The following NUS1 variants were observed in gnomAD, a reference collection of about 807,000 sequenced individuals.
The protein encoded by NUS1 is NUS1 dehydrodolichyl diphosphate synthase subunit.
For synonymous variants in NUS1, 135 were observed against 155.2 expected, an observed-to-expected ratio of 0.87 and a Z score of 0.97; for missense variants, 292 against 382.9, an observed-to-expected ratio of 0.76 and a Z score of 1.98.
intron 3 of NUS1, among the ~76,000 whole-genome samples, chr6:117,695,193 C>CAAAAAAAAAAAAA (rs58136219): frequency 4.9e-4 from 27 of 55,238 alleles, no homozygotes; most frequent in South Asian, 1.1e-3. Context: ...GACCCTGTCT[C>CAAAAAAAAAAAAA]AAAAAAAAAA....
chr6:117,707,355 G>C lies in NUS1; in HGVS notation c.*340G>C, dbSNP rs902545701. 5 of 248,322 alleles carry C rather than the reference G, an allele frequency of 2.0e-5. No individual in the cohort carries two copies. Among genetic ancestry groups the C allele is most frequent in the African/African-American group, 1.2e-4 (5 of 43,276 alleles). 15.4% of individuals were successfully genotyped at this position (248,322 alleles called of 1,614,324 possible). ...TCAGCCCAGCTACTTCCCTATTTTT[G>C]TGGGGAGAAGAGGGCCTGATTAGAA... On this transcript the variant is annotated 3_prime_UTR_variant, in exon 5 of 5. Coordinates refer to ENST00000368494, the MANE Select transcript of NUS1 (RefSeq NM_138459.5).
chr6:117,677,782 G>T (rs192646553), intron 1 of NUS1, among the ~76,000 whole-genome samples: 8 of 152,294 alleles, frequency 5.3e-5, no homozygotes, highest in Admixed American at 5.2e-4. Context: ...AAAGAACTCA[G>T]CAGACCAATA....
At chr6:117,683,764 A>C (rs1180501073) in intron 1 of NUS1, among the ~76,000 whole-genome samples, 1 of 152,232 alleles carries the variant, frequency 6.6e-6, no homozygotes, top group Non-Finnish European at 1.5e-5. Flanking sequence ...AGAGATAGTA[A>C]ATGTATTTTA....
chr6:117,678,935 G>C (rs371103088), intron 1 of NUS1, among the ~76,000 whole-genome samples: 2 of 152,132 alleles, frequency 1.3e-5, no homozygotes, highest in African/African-American at 4.8e-5. Flanking sequence ...GCCTGCCTCA[G>C]CCTCCCAAAG....
At chr6:117,682,237 G>A (rs1334765751) in intron 1 of NUS1, among the ~76,000 whole-genome samples, 2 of 152,126 alleles carry the variant, frequency 1.3e-5, no homozygotes, top group Non-Finnish European at 2.9e-5. Flanking sequence ...TCCTGCTTTT[G>A]TTAACTTTTT....
intron 1 of NUS1, among the ~76,000 whole-genome samples, chr6:117,689,350 A>G (rs1261314972): frequency 6.6e-6 from 1 of 152,198 alleles, no homozygotes; most frequent in Non-Finnish European, 1.5e-5. Flanking sequence ...TGAGAACTGA[A>G]GGCTAGGTTT....
intron 1 of NUS1, among the ~76,000 whole-genome samples, chr6:117,690,680 G>A (rs182947532): frequency 1.7e-4 from 26 of 152,158 alleles, no homozygotes; most frequent in African/African-American, 6.3e-4. Flanking sequence ...AGTTCTCTTT[G>A]TGGAATTTTC....
intron 1 of NUS1, among the ~76,000 whole-genome samples, chr6:117,690,550 C>T (rs1194453445): frequency 1.3e-5 from 2 of 152,154 alleles, no homozygotes; most frequent in Non-Finnish European, 2.9e-5. Flanking sequence ...CACATTGGTG[C>T]TTATATGACC....
intron 3 of NUS1, among the ~76,000 whole-genome samples, chr6:117,699,980 A>G (rs946798664): frequency 1.3e-5 from 2 of 152,216 alleles, no homozygotes; most frequent in Non-Finnish European, 2.9e-5. Context: ...CTAGAACCCT[A>G]TCTCTTGCCA....
intron 1 of NUS1, among the ~76,000 whole-genome samples, chr6:117,682,087 C>T (rs1330780042): frequency 2.0e-5 from 3 of 152,198 alleles, no homozygotes; most frequent in African/African-American, 4.8e-5. Context: ...CTGCCTCAGC[C>T]TCCCAAAGTG....
intron 3 of NUS1, among the ~76,000 whole-genome samples, chr6:117,699,930 G>A (rs1773382730): frequency 6.6e-6 from 1 of 152,110 alleles, no homozygotes; most frequent in Non-Finnish European, 1.5e-5. Context: ...TCAGTAAATG[G>A]TACAGGGAAA....
At chr6:117,681,386 G>A (rs1773059534) in intron 1 of NUS1, among the ~76,000 whole-genome samples, 1 of 152,156 alleles carries the variant, frequency 6.6e-6, no homozygotes, top group African/African-American at 2.4e-5. Flanking sequence ...TAGTTAATAT[G>A]TGTTCCTTGA....
Position 117,676,234 on chromosome 6 carries a change from T to C in NUS1, c.415+149T>C, listed in dbSNP as rs557676879. 11 of 1,247,366 alleles carry C rather than the reference T, an allele frequency of 8.8e-6. No homozygotes were observed. In the East Asian group the frequency reaches 2.5e-4, roughly 29 times the overall value. 77.3% of individuals were successfully genotyped at this position (1,247,366 alleles called of 1,614,324 possible). On this transcript the variant is annotated intron_variant, in intron 1 of 4. Coordinates refer to ENST00000368494, the MANE Select transcript of NUS1 (RefSeq NM_138459.5). ...TTCGAGGAAGGGAGATCAGCTTTAT[T>C]GAACACCTACTAATTCTCTGGATTT...
rs1352905033 is a variant in NUS1 at position 117,708,357 on chromosome 6, C to A, written c.*1342C>A. The A allele has an allele frequency of 6.6e-6, 1 of 152,312 alleles. No individual in the cohort carries two copies. The highest frequency in any genetic ancestry group is 1.5e-5 in the Non-Finnish European group (1 of 67,932). The allele number at this position is 152,312 out of a possible 1,614,324, so 9.4% of individuals were successfully genotyped here. On this transcript the variant is annotated 3_prime_UTR_variant, in exon 5 of 5. Transcript: ENST00000368494. Reference sequence around the variant, plus strand: ...ATTTGATAGACTGCTTTCAGAAAACCCTTATCAACAAGTGTACAATACTTA... The same window carrying A: ...ATTTGATAGACTGCTTTCAGAAAACACTTATCAACAAGTGTACAATACTTA...
intron 2 of NUS1, 144 bp downstream of exon 2, chr6:117,693,311 C>T: frequency 2.0e-6 from 2 of 975,650 alleles, no homozygotes; most frequent in Non-Finnish European, 3.1e-6. Context: ...CAGATTTAGA[C>T]TTTCTCGTCT....
chr6:117,703,589 T>C lies in NUS1; in HGVS notation c.692-16T>C, dbSNP rs2114693870. The C allele has an allele frequency of 6.3e-7, 1 of 1,580,954 alleles. No individual in the cohort carries two copies. Among genetic ancestry groups the C allele is most frequent in the East Asian group, 2.2e-5 (1 of 44,710 alleles). On this transcript the variant is annotated splice_polypyrimidine_tract_variant and intron_variant, in intron 3 of 4. Coordinates refer to ENST00000368494, the MANE Select transcript of NUS1 (RefSeq NM_138459.5). ...GCAGTGCATGTTAAGTTCATGTGTA[T>C]TTATTTATTTCCAAGGTTCAAATGG...
chr6:117,696,460 G>C (rs982818188), intron 3 of NUS1, among the ~76,000 whole-genome samples: 2 of 151,756 alleles, frequency 1.3e-5, no homozygotes, highest in East Asian at 3.9e-4. Context: ...CTACTTCAAG[G>C]CATTTAATAA....
intron 1 of NUS1, among the ~76,000 whole-genome samples, chr6:117,681,232 T>C (rs1419888804): frequency 1.3e-5 from 2 of 152,194 alleles, no homozygotes; most frequent in Non-Finnish European, 2.9e-5. Context: ...CTAAAGGTAC[T>C]TCTGTTCTCT....
At chr6:117,701,016 T>C (rs779659159) in intron 3 of NUS1, among the ~76,000 whole-genome samples, 93 of 150,240 alleles carry the variant, frequency 6.2e-4, no homozygotes, top group Non-Finnish European at 9.2e-4. Context: ...AAAAAAAAAA[T>C]TGAATAAGAT....
Sources: allele counts gnomAD v4.1 joint callset (sites outside exome capture counted in the v4.1 genomes callset), GRCh38; gene constraint gnomAD v4.1.1; transcripts MANE v1.5; gene names NCBI Gene and HGNC (gene_info 2026-07-23, HGNC 2026-07-21).